Variants in GSG1L observed in about 807,000 individuals in gnomAD.
GSG1L encodes the protein germ cell-specific gene 1-like protein.
GSG1L carries 24 observed loss-of-function variants against 42.1 expected under a neutral mutation model. That is an observed-to-expected ratio of 0.57 (90% CI 0.41 to 0.80). The LOEUF is 0.80. Ranked by LOEUF, GSG1L falls within the 30% of genes least tolerant of loss-of-function variation. The pLI is 0.00. For synonymous variants in GSG1L, 215 were observed against 203.5 expected, an observed-to-expected ratio of 1.06 and a Z score of -0.48; for missense variants, 445 against 472.2, an observed-to-expected ratio of 0.94 and a Z score of 0.53.
intron 4 of GSG1L, among the ~76,000 whole-genome samples, chr16:27,833,312 GTCTATT>G (rs1257422073): frequency 1.3e-5 from 2 of 151,908 alleles, no homozygotes; most frequent in African/African-American, 4.8e-5. Flanking sequence ...ATCTGTATTG[GTCTATT>G]TCTGAGTTCT....
At chr16:27,797,436 T>C (rs954382804) in intron 6 of GSG1L, among the ~76,000 whole-genome samples, 5 of 151,436 alleles carry the variant, frequency 3.3e-5, no homozygotes, top group African/African-American at 1.2e-4. Flanking sequence ...GGCAGGAGAA[T>C]TGTTTGAACT....
intron 6 of GSG1L, among the ~76,000 whole-genome samples, chr16:27,800,050 C>T (rs893505983): frequency 3.9e-5 from 6 of 152,242 alleles, no homozygotes; most frequent in African/African-American, 1.4e-4. Flanking sequence ...CATCCTTTAA[C>T]GAGCTCTCCA....
At chr16:27,911,507 G>A (rs2084391034) in intron 2 of GSG1L, among the ~76,000 whole-genome samples, 1 of 152,174 alleles carries the variant, frequency 6.6e-6, no homozygotes, top group Admixed American at 6.5e-5. Flanking sequence ...GGCCAGGCTG[G>A]TCTCCAACTC....
intron 3 of GSG1L, among the ~76,000 whole-genome samples, chr16:27,850,011 C>G (rs1224650160): frequency 2.4e-5 from 3 of 124,430 alleles, no homozygotes; most frequent in Non-Finnish European, 1.6e-5. Context: ...GTGCCATATT[C>G]ATTTGAAATG....
intron 2 of GSG1L, among the ~76,000 whole-genome samples, chr16:27,958,941 C>T (rs886410594): frequency 9.2e-5 from 14 of 151,614 alleles, no homozygotes; most frequent in African/African-American, 3.4e-4. Flanking sequence ...TCCCAAAGTG[C>T]TGGGATTACA....
intron 1 of GSG1L, among the ~76,000 whole-genome samples, chr16:28,037,802 T>G (rs2086058115): frequency 6.6e-6 from 1 of 152,230 alleles, no homozygotes; most frequent in Non-Finnish European, 1.5e-5. Context: ...TTGTTCCCTC[T>G]TTGGACCTGA....
At chr16:27,911,847 T>C (rs1032761778) in intron 2 of GSG1L, among the ~76,000 whole-genome samples, 1 of 152,184 alleles carries the variant, frequency 6.6e-6, no homozygotes, top group East Asian at 1.9e-4. Flanking sequence ...TCCACACTTA[T>C]TGCCATCTAA....
At chr16:27,821,406 A>C (rs980120957) in intron 5 of GSG1L, among the ~76,000 whole-genome samples, 1 of 151,918 alleles carries the variant, frequency 6.6e-6, no homozygotes, top group African/African-American at 2.4e-5. Context: ...ATAGTACCTG[A>C]TAGGTGGTTT....
At chr16:27,920,357 C>A (rs1207428227) in intron 2 of GSG1L, among the ~76,000 whole-genome samples, 1 of 152,170 alleles carries the variant, frequency 6.6e-6, no homozygotes, top group Non-Finnish European at 1.5e-5. Context: ...TGTCCGCACA[C>A]CAGGCTGACT....
chr16:27,833,771 A>T (rs1055828251), intron 4 of GSG1L, among the ~76,000 whole-genome samples: 7 of 152,030 alleles, frequency 4.6e-5, no homozygotes, highest in African/African-American at 1.7e-4. Context: ...AATACAATTG[A>T]TTTTGTATTT....
At chr16:28,041,005 G>T (rs767224441) in intron 1 of GSG1L, among the ~76,000 whole-genome samples, 1 of 152,200 alleles carries the variant, frequency 6.6e-6, no homozygotes, top group Admixed American at 6.5e-5. Flanking sequence ...AAGATGTTTG[G>T]TTTTTATGTC....
intron 3 of GSG1L, among the ~76,000 whole-genome samples, chr16:27,877,991 G>A (rs1009546672): frequency 6.6e-6 from 1 of 152,150 alleles, no homozygotes; most frequent in Non-Finnish European, 1.5e-5. Flanking sequence ...TGCTACAGGA[G>A]GAGTAAAGAG....
intron 3 of GSG1L, among the ~76,000 whole-genome samples, chr16:27,859,880 C>T (rs971412777): frequency 6.6e-6 from 1 of 151,652 alleles, no homozygotes; most frequent in Non-Finnish European, 1.5e-5. Context: ...CAGGGTCTCG[C>T]TCTGTTGGCT....
chr16:28,036,752 C>G (rs531296158), intron 1 of GSG1L, among the ~76,000 whole-genome samples: 1 of 152,308 alleles, frequency 6.6e-6, no homozygotes, highest in African/African-American at 2.4e-5. Flanking sequence ...ATCACTGTCT[C>G]TCTCTGATGG....
intron 1 of GSG1L, among the ~76,000 whole-genome samples, chr16:28,032,038 C>T (rs1172997230): frequency 6.6e-6 from 1 of 152,172 alleles, no homozygotes; most frequent in Non-Finnish European, 1.5e-5. Context: ...GAATTCATTA[C>T]AGCAAGATCA....
intron 2 of GSG1L, among the ~76,000 whole-genome samples, chr16:27,915,216 C>CAA (rs2084440233): frequency 6.6e-6 from 1 of 150,468 alleles, no homozygotes; most frequent in Admixed American, 6.6e-5. Flanking sequence ...CACACACACA[C>CAA]ACACACACAC....
chr16:28,026,122 G>C (rs570094635), intron 1 of GSG1L, among the ~76,000 whole-genome samples: 53 of 152,206 alleles, frequency 3.5e-4, no homozygotes, highest in Admixed American at 1.3e-3. Context: ...GTTTGCCAGA[G>C]CCCTGGGCCT....
At chr16:28,051,248 A>G (rs980741729) in intron 1 of GSG1L, among the ~76,000 whole-genome samples, 11 of 152,200 alleles carry the variant, frequency 7.2e-5, no homozygotes, top group Non-Finnish European at 1.6e-4. Context: ...AGAAAACTGA[A>G]GGTCAAGGTC....
chr16:27,904,949 C>A (rs984112008), intron 2 of GSG1L, among the ~76,000 whole-genome samples: 1 of 152,214 alleles, frequency 6.6e-6, no homozygotes, highest in Admixed American at 6.5e-5. Context: ...GGAATATGCA[C>A]TCGGGGTTGC....
Sources: allele counts gnomAD v4.1 joint callset (sites outside exome capture counted in the v4.1 genomes callset), GRCh38; gene constraint gnomAD v4.1.1; transcripts MANE v1.5; gene names NCBI Gene and HGNC (gene_info 2026-07-23, HGNC 2026-07-21).